Variants in DPP6 observed in about 807,000 individuals in gnomAD.
The protein encoded by DPP6 is A-type potassium channel modulatory protein DPP6.
Under a neutral mutation model 122.6 loss-of-function variants are expected in DPP6, and 69 were observed. The ratio of observed to expected loss-of-function variants is 0.56; its 90% CI spans 0.46 to 0.69. The LOEUF (loss-of-function observed/expected upper bound fraction) is 0.69, where lower values mean the gene tolerates loss of function less well. Ranked by LOEUF, DPP6 falls within the 30% of genes least tolerant of loss-of-function variation. DPP6 has a pLI of 0.00. For synonymous variants in DPP6, 418 were observed against 433.1 expected (o/e 0.97, Z 0.43); for missense variants, 928 against 1,116.9 (o/e 0.83, Z 2.41).
intron 1 of DPP6, among the ~76,000 whole-genome samples, chr7:154,325,227 A>G (rs550525710): frequency 1.6e-3 from 236 of 152,130 alleles, no homozygotes; most frequent in African/African-American, 4.8e-3. Flanking sequence ...CAGACCCCCA[A>G]TGGCTGCGAA....
intron 5 of DPP6, among the ~76,000 whole-genome samples, chr7:154,614,806 A>G (rs534390099): frequency 6.6e-6 from 1 of 152,346 alleles, no homozygotes; most frequent in African/African-American, 2.4e-5. Flanking sequence ...CATTTCTGTT[A>G]GACATTTATA....
chr7:154,432,761 A>T (rs1416569580), intron 1 of DPP6, among the ~76,000 whole-genome samples: 1 of 152,186 alleles, frequency 6.6e-6, no homozygotes, highest in Non-Finnish European at 1.5e-5. Context: ...CATTCAAGAC[A>T]CGGAAGTGGG....
At chr7:154,583,321 G>C (rs976411159) in intron 5 of DPP6, among the ~76,000 whole-genome samples, 1 of 152,134 alleles carries the variant, frequency 6.6e-6, no homozygotes, top group Non-Finnish European at 1.5e-5. Flanking sequence ...ACAAACATTC[G>C]GTCTATGTGC....
intron 5 of DPP6, among the ~76,000 whole-genome samples, chr7:154,611,904 G>A (rs530434440): frequency 3.7e-4 from 56 of 152,146 alleles, no homozygotes; most frequent in African/African-American, 1.3e-3. Context: ...TTAGTTCTGT[G>A]CAATCTTATT....
intron 20 of DPP6, among the ~76,000 whole-genome samples, chr7:154,880,682 T>C (rs955397978): frequency 3.9e-5 from 6 of 152,056 alleles, no homozygotes; most frequent in African/African-American, 1.2e-4. Flanking sequence ...ATTGCAAGGG[T>C]GCTTTGAGGT....
chr7:154,558,481 A>G (rs1268331704), intron 4 of DPP6, among the ~76,000 whole-genome samples: 1 of 152,226 alleles, frequency 6.6e-6, no homozygotes, highest in East Asian at 1.9e-4. Context: ...AAATATAGTC[A>G]TGTGTCACAT....
At chr7:154,795,556 C>G (rs969906727) in intron 11 of DPP6, among the ~76,000 whole-genome samples, 2 of 152,142 alleles carry the variant, frequency 1.3e-5, no homozygotes, top group Non-Finnish European at 2.9e-5. Flanking sequence ...TGCCATCTTC[C>G]CCCAGAGGGT....
intron 3 of DPP6, among the ~76,000 whole-genome samples, chr7:154,498,681 C>T (rs990690611): frequency 2.0e-5 from 3 of 152,116 alleles, no homozygotes; most frequent in Non-Finnish European, 4.4e-5. Flanking sequence ...CCTCAAATAT[C>T]AAGGACCCAG....
intron 1 of DPP6, among the ~76,000 whole-genome samples, chr7:154,083,380 A>C (rs1020808192): frequency 6.6e-6 from 1 of 151,786 alleles, no homozygotes. Context: ...CCTCTTATTT[A>C]TCTCTCTTCA....
Position 154,669,423 on chromosome 7 carries a change from C to G in DPP6, c.744C>G (p.Gly248=). ...CAAAACTTCAGTATGCAGGATGGGG[C>G]CCTAAAGGCCAACAGCTGGTAAGCC... is the stretch of plus-strand genomic sequence containing the variant. The part of the protein sequence containing the change: ...SNAKLQYAGW[G]PKGQQLIFIF... Residue 248 remains glycine, a synonymous_variant, in exon 7 of 26, where the codon GGC becomes GGG. Coordinates refer to ENST00000377770, the MANE Select transcript of DPP6 (RefSeq NM_130797.4). 3 of 1,554,724 alleles carry G rather than the reference C, an allele frequency of 1.9e-6. No individual in the cohort carries two copies. In the South Asian group the frequency reaches 3.6e-5, roughly 19 times the overall value.
intron 7 of DPP6, among the ~76,000 whole-genome samples, chr7:154,711,964 A>ACACACACACACT (rs1841217175): frequency 2.5e-5 from 2 of 79,050 alleles, no homozygotes; most frequent in Admixed American, 2.5e-4. Flanking sequence ...ACACACACAC[A>ACACACACACACT]CTCTTCTTCT....
chr7:153,945,354 A>C (rs1268373888), intron 1 of DPP6, among the ~76,000 whole-genome samples: 4 of 152,116 alleles, frequency 2.6e-5, no homozygotes, highest in African/African-American at 9.7e-5. Flanking sequence ...TATATTTCTA[A>C]TGGAAGCCAG....
chr7:154,463,209 T>TC (rs1821457822), intron 2 of DPP6, among the ~76,000 whole-genome samples: 3 of 93,372 alleles, frequency 3.2e-5, no homozygotes, highest in Non-Finnish European at 6.5e-5. Context: ...TTTTTTTTTT[T>TC]TTTTTTTTTT....
chr7:154,887,841 C>A, intron 23 of DPP6, 107 bp downstream of exon 23: 1 of 1,293,392 alleles, frequency 7.7e-7, no homozygotes, highest in Non-Finnish European at 1.1e-6. Context: ...CAGCCCCATG[C>A]TTCTCCCTCA....
At chr7:153,897,081 A>G (rs1030410730) in intron 1 of DPP6, among the ~76,000 whole-genome samples, 7 of 152,134 alleles carry the variant, frequency 4.6e-5, no homozygotes, top group Non-Finnish European at 1.0e-4. Flanking sequence ...TTCCAAAATA[A>G]TTTTGTCTGT....
At chr7:153,765,267 T>C in the DPP6 span, among the ~76,000 whole-genome samples, 5 of 152,192 alleles carry the variant, frequency 3.3e-5, no homozygotes, top group African/African-American at 1.2e-4. Flanking sequence ...CCGGGTGTGG[T>C]GTGGTGGCCC....
intron 1 of DPP6, among the ~76,000 whole-genome samples, chr7:154,230,322 A>C (rs1029594491): frequency 6.6e-6 from 1 of 152,258 alleles, no homozygotes; most frequent in Non-Finnish European, 1.5e-5. Context: ...ACTATTTCTC[A>C]GTTCTTAAAA....
At chr7:154,083,238 C>T (rs1804161675) in intron 1 of DPP6, among the ~76,000 whole-genome samples, 2 of 152,090 alleles carry the variant, frequency 1.3e-5, no homozygotes, top group South Asian at 4.1e-4. Context: ...CTACATGGAC[C>T]TGATTTTGAC....
chr7:153,790,677 C>T, the DPP6 span, among the ~76,000 whole-genome samples: 5 of 151,998 alleles, frequency 3.3e-5, no homozygotes, highest in East Asian at 1.9e-4. Flanking sequence ...ATGAAACAGC[C>T]GGAGAGGTAT....
Sources: allele counts gnomAD v4.1 joint callset (sites outside exome capture counted in the v4.1 genomes callset), GRCh38; gene constraint gnomAD v4.1.1; transcripts MANE v1.5; gene names NCBI Gene and HGNC (gene_info 2026-07-23, HGNC 2026-07-21).